The following VWDE variants were observed in gnomAD, a reference collection of about 807,000 sequenced individuals.
VWDE encodes von Willebrand factor D and EGF domains.
In VWDE, 207 loss-of-function variants were observed where a neutral mutation model predicts 178.4. The observed-to-expected ratio is 1.16, with a 90% CI of 1.04 to 1.30. The LOEUF (loss-of-function observed/expected upper bound fraction) is 1.30. Ranked by LOEUF, VWDE falls within the 50% of genes most tolerant of loss-of-function variation. The pLI is 0.00. For missense variants in VWDE, 2,287 were observed against 1,901.3 expected (o/e 1.20, Z -3.77); for synonymous variants, 738 against 651.4 (o/e 1.13, Z -2.02).
At chr7:12,361,626 A>G in intron 13 of VWDE, 105 bp from the exon 14 acceptor site, 1 of 1,030,246 alleles carries the variant, frequency 9.7e-7, no homozygotes, top group Non-Finnish European at 1.3e-6. Context: ...TATGCCTAGT[A>G]TAATGTAATA....
rs375483470 is a variant in VWDE, at chr7:12,344,320, A to G, written c.3983-30T>C. 8.1e-5 allele frequency: 126 copies of G among 1,550,294 alleles called. 1 individual carries two copies. In the African/African-American group the frequency reaches 1.5e-3, roughly 18 times the overall value. Reference sequence around the variant, plus strand: ...ATAAAATAAAGCCCAAGTTTTAGACATATCAATTACCAAATACAATTTATC... The same window carrying G: ...ATAAAATAAAGCCCAAGTTTTAGACGTATCAATTACCAAATACAATTTATC... On this transcript the variant is annotated intron_variant, in intron 20 of 28. Transcript: ENST00000275358.
chr7:12,399,052 G>A (rs2128564896), intron 1 of VWDE, among the ~76,000 whole-genome samples: 1 of 152,100 alleles, frequency 6.6e-6, no homozygotes, highest in Non-Finnish European at 1.5e-5. Context: ...TAAAATAAAA[G>A]TTGAGATTTT....
intron 26 of VWDE, 97 bp downstream of exon 26, chr7:12,336,891 C>T (rs1222249614): frequency 8.3e-7 from 1 of 1,200,950 alleles, no homozygotes. Context: ...TTAAAAAGAC[C>T]AAGCAAACAA....
In VWDE at chr7:12,344,206, G is replaced by C; in HGVS notation, c.4067C>G (p.Thr1356Ser). 6.4e-7 allele frequency: 1 copy of C among 1,550,544 alleles called. No homozygotes were observed. The highest frequency in any genetic ancestry group is 8.7e-7 in the Non-Finnish European group (1 of 1,146,340). ...ATTTGAATTATCACCTTCATCACAG[G>C]TTGCTCCACCATGTCCTGGAAGACA... ...CQCLPGHGGATCDEEHCNPPC... is the reference protein window; with the variant it reads ...CQCLPGHGGASCDEEHCNPPC... The change falls in exon 21 of 29, where the codon ACC (threonine) becomes AGC (serine). Residue 1356 changes from threonine to serine, a missense_variant. By Grantham distance (58) the Thr-to-Ser change is moderately conservative. Coordinates refer to ENST00000275358, the MANE Select transcript of VWDE (RefSeq NM_001135924.3).
At chr7:12,386,506 C>T (rs940051218) in intron 3 of VWDE, among the ~76,000 whole-genome samples, 3 of 152,192 alleles carry the variant, frequency 2.0e-5, no homozygotes, top group Non-Finnish European at 4.4e-5. Flanking sequence ...TTCAAACCCC[C>T]ATCTTGTTAT....
chr7:12,393,071 T>C (rs1784460232), intron 2 of VWDE, among the ~76,000 whole-genome samples: 1 of 152,202 alleles, frequency 6.6e-6, no homozygotes, highest in Non-Finnish European at 1.5e-5. Flanking sequence ...ACTGCCAGGC[T>C]GAGTTCTTAT....
At position 12,369,863 on chromosome 7, in the gene VWDE, C is replaced by T. The variant is rs1173109100; in HGVS notation, c.2443G>A (p.Ala815Thr). Residue 815 changes from alanine (A) to threonine (T), a missense_variant, in exon 12 of 29, where the codon GCC becomes ACC. Ala to Thr is a moderately conservative substitution (Grantham distance 58). Coordinates refer to ENST00000275358, the MANE Select transcript of VWDE (RefSeq NM_001135924.3). ...STLTLCQETL[A>T]NSSIGRLCLA... ...CACAGCCTTCCTATGCTGGAGTTGG[C>T]TAGAGTCTCCTGACAGAGGGTCAAG... 5.2e-6 allele frequency: 8 copies of T among 1,551,436 alleles called. No individual in the cohort carries two copies. The East Asian group carries it at 2.0e-4, about 38-fold the overall frequency.
rs1334703418 is a variant in VWDE at position 12,369,794 on chromosome 7, A to T, written c.2512T>A (p.Cys838Ser). The change falls in exon 12 of 29, where the codon TGT becomes AGT. Residue 838 changes from cysteine (C) to serine (S), a missense_variant. By Grantham distance (112) the Cys-to-Ser change is moderately radical. Coordinates refer to ENST00000275358, the MANE Select transcript of VWDE (RefSeq NM_001135924.3). The stretch of plus-strand genomic sequence containing the variant: ...TCTTTTAACAGAACATCCTTCACAC[A>T]CATCTCTATAACACTGTCTAATCTC... The part of the protein sequence containing the change: ...GKRLDSVIEM[C>S]VKDVLLKDDL... The T allele has an allele frequency of 6.4e-7, 1 of 1,551,484 alleles. No individual in the cohort carries two copies. Among genetic ancestry groups the T allele is most frequent in the Admixed American group, 2.0e-5 (1 of 50,970 alleles).
intron 13 of VWDE, among the ~76,000 whole-genome samples, chr7:12,365,205 A>C (rs1782795065): frequency 6.6e-6 from 1 of 152,076 alleles, no homozygotes; most frequent in Admixed American, 6.6e-5. Context: ...CAGGAAAAGG[A>C]CCATTATTAG....
chr7:12,359,861 G>A (rs1046217254), intron 15 of VWDE, among the ~76,000 whole-genome samples, 169 bp from the exon 16 acceptor site: 13 of 151,968 alleles, frequency 8.6e-5, no homozygotes, highest in African/African-American at 3.1e-4. Context: ...ACCTGAATAC[G>A]TAAATGTCTA....
At chr7:12,362,244 CAT>C (rs1554266951) in intron 13 of VWDE, among the ~76,000 whole-genome samples, 1 of 143,924 alleles carries the variant, frequency 6.9e-6, no homozygotes. Flanking sequence ...CACACACACA[CAT>C]AAAAATGCAC....
intron 1 of VWDE, among the ~76,000 whole-genome samples, chr7:12,397,643 G>C (rs1189470787): frequency 6.6e-6 from 1 of 151,992 alleles, no homozygotes; most frequent in Admixed American, 6.6e-5. Flanking sequence ...TACAGAATGG[G>C]AGAAAATATT....
intron 22 of VWDE, among the ~76,000 whole-genome samples, chr7:12,342,690 T>C (rs1038143857): frequency 6.6e-6 from 1 of 151,596 alleles, no homozygotes; most frequent in Admixed American, 6.6e-5. Flanking sequence ...ATTATTATTA[T>C]TATTATTATA....
intron 1 of VWDE, among the ~76,000 whole-genome samples, chr7:12,403,367 C>G (rs1326342149): frequency 2.0e-5 from 3 of 152,124 alleles, no homozygotes; most frequent in Admixed American, 1.3e-4. Context: ...ACAATGACCT[C>G]AAAGAGCAGG....
At chr7:12,343,962 C>T (rs1453670573) in intron 21 of VWDE, among the ~76,000 whole-genome samples, 3 of 151,862 alleles carry the variant, frequency 2.0e-5, no homozygotes, top group African/African-American at 7.3e-5. Context: ...GTAATTTTAC[C>T]AATAACAAAT....
rs1308421785 is a variant in VWDE, at chr7:12,357,250, A to G, written c.3525+15T>C. The stretch of plus-strand genomic sequence containing the variant: ...CAAAAGAATCCAGTGGCACTTATGT[A>G]ATTATAAAGATTACCTCAATCGTGA... On this transcript the variant is annotated intron_variant, in intron 17 of 28. Coordinates refer to ENST00000275358, the MANE Select transcript of VWDE (RefSeq NM_001135924.3). 1 of 1,547,694 alleles carries G rather than the reference A, an allele frequency of 6.5e-7. No individual in the cohort carries two copies. Among genetic ancestry groups the G allele is most frequent in the African/African-American group, 1.4e-5 (1 of 72,864 alleles).
chr7:12,382,496 T>C (rs542695974), intron 4 of VWDE, among the ~76,000 whole-genome samples: 7 of 151,984 alleles, frequency 4.6e-5, no homozygotes, highest in African/African-American at 7.2e-5. Context: ...AAATAGAGCA[T>C]GAAAATTCAA....
At chr7:12,355,666 A>G (rs1782201482) in intron 18 of VWDE, among the ~76,000 whole-genome samples, 1 of 152,196 alleles carries the variant, frequency 6.6e-6, no homozygotes, top group Admixed American at 6.5e-5. Context: ...TTAATGAGTT[A>G]GTAAATATGC....
intron 13 of VWDE, among the ~76,000 whole-genome samples, chr7:12,362,896 T>C (rs1330883801): frequency 6.6e-6 from 1 of 152,116 alleles, no homozygotes; most frequent in East Asian, 1.9e-4. Flanking sequence ...TAGGTGAATG[T>C]ACAGTCTCGG....
Sources: allele counts gnomAD v4.1 joint callset (sites outside exome capture counted in the v4.1 genomes callset), GRCh38; gene constraint gnomAD v4.1.1; transcripts MANE v1.5; gene names NCBI Gene and HGNC (gene_info 2026-07-23, HGNC 2026-07-21).